The following KCNH1 variants were observed in gnomAD, a reference collection of about 807,000 sequenced individuals.
KCNH1 encodes the protein voltage-gated delayed rectifier potassium channel KCNH1.
Under a neutral mutation model 69.2 loss-of-function variants are expected in KCNH1, and 27 were observed. The ratio of observed to expected loss-of-function variants is 0.39; its 90% CI spans 0.29 to 0.54. The LOEUF (loss-of-function observed/expected upper bound fraction) is 0.54. Among genes scored for constraint, KCNH1 ranks in the 20% least tolerant of loss-of-function variants. The probability of loss-of-function intolerance (pLI) is 0.68; values close to 1 mark genes in which losing one functional copy is unlikely to be tolerated. For synonymous variants in KCNH1, 456 were observed against 487.7 expected (o/e 0.93, Z 0.86); for missense variants, 798 against 1,261.6 (o/e 0.63, Z 5.57).
intron 1 of KCNH1, among the ~76,000 whole-genome samples, chr1:211,116,784 C>T (rs1691591727): frequency 6.6e-6 from 1 of 152,160 alleles, no homozygotes; most frequent in South Asian, 2.1e-4. Context: ...GACCTGTGCT[C>T]AACTTCAGCT....
chr1:210,826,414 A>G (rs760524565), intron 7 of KCNH1, among the ~76,000 whole-genome samples: 13 of 152,202 alleles, frequency 8.5e-5, no homozygotes, highest in Non-Finnish European at 1.6e-4. Context: ...ATGCTGCCCA[A>G]AAAGAATAAG....
Position 210,744,845 on chromosome 1 carries a change from G to A in KCNH1, c.2112+30503C>T, listed in dbSNP as rs541495076. Among the ~76,000 whole-genome samples, 6 of 152,082 alleles carry A rather than the reference G, an allele frequency of 3.9e-5. 1 individual carries two copies. The South Asian group carries it at 1.3e-3, about 32-fold the overall frequency. On this transcript the variant is annotated intron_variant, in intron 10 of 10. Coordinates refer to ENST00000271751, the MANE Select transcript of KCNH1 (RefSeq NM_172362.3). ...AGACCCAAGCGCCGTTAGTTACCGG[G>A]GATAAAGCAGGTGGCAAAGCTACCC...
intron 7 of KCNH1, among the ~76,000 whole-genome samples, chr1:210,893,114 C>T (rs546875721): frequency 2.0e-5 from 3 of 152,266 alleles, no homozygotes; most frequent in African/African-American, 7.2e-5. Context: ...TTCTTCATTC[C>T]TTTACAGAGA....
chr1:211,055,995 T>C (rs567000894), intron 5 of KCNH1, among the ~76,000 whole-genome samples: 1 of 152,152 alleles, frequency 6.6e-6, no homozygotes. Context: ...TATCCAGCTG[T>C]GGTGGCTATG....
rs369392901 is a variant in KCNH1 at position 210,890,543 on chromosome 1, T to C, written c.1462+29097A>G. ...GGCAACAAAAGCCAAAATTGACAAATGGGATCTAATTAAACTAAAGAGCTT... is the reference window on the plus strand; with the variant it reads ...GGCAACAAAAGCCAAAATTGACAAACGGGATCTAATTAAACTAAAGAGCTT... On this transcript the variant is annotated intron_variant, in intron 7 of 10. Coordinates refer to ENST00000271751, the MANE Select transcript of KCNH1 (RefSeq NM_172362.3). Among the ~76,000 whole-genome samples the C allele has an allele frequency of 9.9e-5, 15 of 151,938 alleles. No individual in the cohort carries two copies. In the East Asian group the frequency reaches 2.3e-3, roughly 24 times the overall value.
chr1:210,960,561 T>C (rs1399313713), intron 6 of KCNH1, among the ~76,000 whole-genome samples: 1 of 152,270 alleles, frequency 6.6e-6, no homozygotes, highest in Non-Finnish European at 1.5e-5. Flanking sequence ...AAAAGTATTT[T>C]AGAATTCATC....
chr1:210,897,806 A>G (rs566366590), intron 7 of KCNH1, among the ~76,000 whole-genome samples: 1 of 152,218 alleles, frequency 6.6e-6, no homozygotes, highest in Non-Finnish European at 1.5e-5. Context: ...CATCTGGGGC[A>G]CTTTTAAAGG....
intron 10 of KCNH1, among the ~76,000 whole-genome samples, chr1:210,701,625 C>G (rs925755795): frequency 5.3e-5 from 8 of 151,730 alleles, no homozygotes; most frequent in Admixed American, 3.3e-4. Flanking sequence ...AGTTAATCTT[C>G]CTTCCTTCCA....
At chr1:210,979,116 GACATCACCAGCC>G (rs561373063) in intron 6 of KCNH1, among the ~76,000 whole-genome samples, 216 of 152,238 alleles carry the variant, frequency 1.4e-3, no homozygotes, top group Non-Finnish European at 2.5e-3. Context: ...GGTGGGTGTG[GACATCACCAGCC>G]ACTTCAATCA....
At chr1:211,042,819 C>T (rs1430745745) in intron 5 of KCNH1, among the ~76,000 whole-genome samples, 4 of 152,140 alleles carry the variant, frequency 2.6e-5, no homozygotes, top group Non-Finnish European at 5.9e-5. Context: ...CAAAAGGAAC[C>T]TTCAAAGCCA....
At chr1:211,129,272 G>A (rs564168969) in intron 1 of KCNH1, among the ~76,000 whole-genome samples, 1 of 152,268 alleles carries the variant, frequency 6.6e-6, no homozygotes, top group Non-Finnish European at 1.5e-5. Flanking sequence ...AAAAATAAAG[G>A]GAAGGGAAGA....
chr1:210,993,929 T>G (rs1003180706), intron 6 of KCNH1, among the ~76,000 whole-genome samples: 1 of 151,830 alleles, frequency 6.6e-6, no homozygotes, highest in African/African-American at 2.4e-5. Flanking sequence ...TAAAAAAAAA[T>G]GTGTGCTTAT....
At chr1:211,016,701 G>A (rs1361490030) in intron 6 of KCNH1, among the ~76,000 whole-genome samples, 2 of 151,870 alleles carry the variant, frequency 1.3e-5, no homozygotes, top group Non-Finnish European at 2.9e-5. Context: ...TTGAGGTCAG[G>A]AGTTCAAGAC....
intron 10 of KCNH1, among the ~76,000 whole-genome samples, chr1:210,687,397 T>C (rs982618932): frequency 6.6e-6 from 1 of 152,208 alleles, no homozygotes; most frequent in African/African-American, 2.4e-5. Context: ...ACAGGGCCTG[T>C]TGGTGGAACC....
intron 7 of KCNH1, among the ~76,000 whole-genome samples, chr1:210,837,015 C>G (rs969353408): frequency 1.7e-4 from 26 of 152,158 alleles, no homozygotes; most frequent in African/African-American, 5.3e-4. Context: ...ACGCAGAAGT[C>G]AGCAGTGCTT....
chr1:211,123,883 G>A (rs543440937), intron 1 of KCNH1, among the ~76,000 whole-genome samples: 2 of 152,238 alleles, frequency 1.3e-5, no homozygotes, highest in East Asian at 3.9e-4. Flanking sequence ...CAGGAAACCC[G>A]GAAATATGGT....
At chr1:211,113,967 C>CTCTATA (rs879282824) in intron 1 of KCNH1, among the ~76,000 whole-genome samples, 39 of 131,360 alleles carry the variant, frequency 3.0e-4, no homozygotes, top group African/African-American at 1.0e-3. Flanking sequence ...CTCTCTCTCT[C>CTCTATA]TCTCTCTCAC....
intron 7 of KCNH1, among the ~76,000 whole-genome samples, chr1:210,836,044 G>A (rs1021937267): frequency 6.7e-6 from 1 of 149,104 alleles, no homozygotes; most frequent in African/African-American, 2.5e-5. Context: ...CCTGGGAGGC[G>A]GAGGTTGCAG....
intron 10 of KCNH1, among the ~76,000 whole-genome samples, chr1:210,745,420 G>A (rs541577528): frequency 6.5e-4 from 99 of 152,118 alleles, no homozygotes; most frequent in African/African-American, 2.3e-3. Flanking sequence ...TGGTATTTTC[G>A]CATCCAAAAC....
Sources: gnomAD v4.1 joint callset for allele counts (sites outside exome capture counted in the v4.1 genomes callset) on GRCh38, gnomAD v4.1.1 for gene constraint, MANE v1.5 for transcripts, NCBI Gene and HGNC (gene_info 2026-07-23, HGNC 2026-07-21) for gene names.